Variants in UBP1 observed in about 807,000 individuals in gnomAD.
UBP1 encodes the protein upstream binding protein 1.
Under a neutral mutation model 76.1 loss-of-function variants are expected in UBP1, and 22 were observed. The observed-to-expected ratio is 0.29, with a 90% CI of 0.21 to 0.41. UBP1 has a LOEUF of 0.41. Among genes scored for constraint, UBP1 ranks in the 10% least tolerant of loss-of-function variants. UBP1 has a pLI of 1.00. For missense variants in UBP1, 436 were observed against 668.1 expected (o/e 0.65, Z 3.83); for synonymous variants, 224 against 237.1 (o/e 0.94, Z 0.51).
Position 33,400,945 on chromosome 3 carries a change from A to G in UBP1, c.1086+17T>C, listed in dbSNP as rs942972618. Reference sequence around the variant, plus strand: ...AACCCTGAAAGCATCAGATAGTTTTAGGAGAAAGATACTTACTTCACCAGA... The same window carrying G: ...AACCCTGAAAGCATCAGATAGTTTTGGGAGAAAGATACTTACTTCACCAGA... On this transcript the variant is annotated intron_variant, in intron 10 of 15. Transcript: ENST00000283629. The G allele has an allele frequency of 4.2e-5, 67 of 1,591,908 alleles. No homozygotes were observed. Among genetic ancestry groups the G allele is most frequent in the Non-Finnish European group, 5.6e-5 (66 of 1,172,624 alleles).
At position 33,440,055 on chromosome 3, in the gene UBP1, C is replaced by G; in HGVS notation, c.-207G>C. 6.2e-6 allele frequency: 3 copies of G among 483,728 alleles called. No individual in the cohort carries two copies. The highest frequency in any genetic ancestry group is 7.7e-5 in the South Asian group (2 of 26,102). 30.0% of individuals were successfully genotyped at this position (483,728 alleles called of 1,614,324 possible). ...AGCGAGCAATTGCAGCGGGAGCGGC[C>G]GGGCCGCCGGCAGCGCCACCCTCCC... is the stretch of plus-strand genomic sequence containing the variant. On this transcript the variant is annotated 5_prime_UTR_variant, in exon 1 of 16. Coordinates refer to ENST00000283629, the MANE Select transcript of UBP1 (RefSeq NM_014517.5).
intron 1 of UBP1, among the ~76,000 whole-genome samples, chr3:33,436,072 A>G (rs1297933678): frequency 1.3e-5 from 2 of 152,234 alleles, no homozygotes; most frequent in African/African-American, 2.4e-5. Context: ...TACTAACTTA[A>G]TACTGATCTA....
intron 8 of UBP1, among the ~76,000 whole-genome samples, chr3:33,405,050 G>A (rs192289669): frequency 5.4e-4 from 82 of 152,214 alleles, no homozygotes; most frequent in African/African-American, 1.9e-3. Context: ...GAGTTAAGAG[G>A]CTATGGTCAC....
At chr3:33,426,983 T>C (rs926777658) in intron 1 of UBP1, among the ~76,000 whole-genome samples, 1 of 152,236 alleles carries the variant, frequency 6.6e-6, no homozygotes, top group Non-Finnish European at 1.5e-5. Context: ...ACTTATTTTA[T>C]TGGAGACAAA....
At chr3:33,416,443 T>C (rs1450326653) in intron 3 of UBP1, among the ~76,000 whole-genome samples, 3 of 152,244 alleles carry the variant, frequency 2.0e-5, no homozygotes, top group Non-Finnish European at 4.4e-5. Context: ...TAAAGTTTTA[T>C]GCCAACATTG....
chr3:33,412,720 A>G lies in UBP1; in HGVS notation c.448+2T>C. ...CCATGGTCTTTTGATCACTGCCTGT[A>G]CCTAAATCAAGAAGTCTGTCTCCTG... On this transcript the variant is annotated splice_donor_variant, in intron 4 of 15. Coordinates refer to ENST00000283629, the MANE Select transcript of UBP1 (RefSeq NM_014517.5). LOFTEE classifies it high-confidence loss of function. 1 of 1,593,804 alleles carries G rather than the reference A, an allele frequency of 6.3e-7. No individual in the cohort carries two copies. Among genetic ancestry groups the G allele is most frequent in the Non-Finnish European group, 8.6e-7 (1 of 1,161,452 alleles).
In UBP1 at chr3:33,390,374, GA is replaced by G; in HGVS notation, c.1586-7del. 6.2e-7 allele frequency: 1 copy of G among 1,613,802 alleles called. No homozygotes were observed. Among genetic ancestry groups the G allele is most frequent in the Non-Finnish European group, 8.5e-7 (1 of 1,179,960 alleles). On this transcript the variant is annotated splice_polypyrimidine_tract_variant and splice_region_variant and intron_variant, in intron 15 of 15. Coordinates refer to ENST00000283629, the MANE Select transcript of UBP1 (RefSeq NM_014517.5). ...GATGCCATCACTACTTTCAGCTGCAGAAAAAGGAAAGACAGTATTTCTTCAG... is the reference window on the plus strand; with the variant it reads ...GATGCCATCACTACTTTCAGCTGCAGAAAAGGAAAGACAGTATTTCTTCAG...
chr3:33,423,183 G>A (rs1487099091), intron 2 of UBP1, among the ~76,000 whole-genome samples: 3 of 152,170 alleles, frequency 2.0e-5, no homozygotes, highest in African/African-American at 4.8e-5. Flanking sequence ...GGGACTACAG[G>A]TGTGTGCCAC....
chr3:33,403,556 G>GGTCTGTCTATCTAATCTA (rs2044318892), intron 8 of UBP1: 1 of 18,288 alleles, frequency 5.5e-5, no homozygotes, highest in Admixed American at 6.0e-4. Context: ...CTGTCTGTCT[G>GGTCTGTCTATCTAATCTA]TCTGTCTGTC....
intron 2 of UBP1, among the ~76,000 whole-genome samples, chr3:33,425,200 C>CAG (rs2044992026): frequency 6.6e-6 from 1 of 152,154 alleles, no homozygotes; most frequent in African/African-American, 2.4e-5. Context: ...CATCCTGGTG[C>CAG]AGCTTAAGTC....
intron 4 of UBP1, among the ~76,000 whole-genome samples, chr3:33,412,344 TAAAA>T (rs2044608500): frequency 6.7e-6 from 1 of 150,322 alleles, no homozygotes; most frequent in Non-Finnish European, 1.5e-5. Flanking sequence ...GGGAAAAAAA[TAAAA>T]AGAAAATAAT....
intron 8 of UBP1, among the ~76,000 whole-genome samples, chr3:33,405,101 T>C (rs2044381677): frequency 6.6e-6 from 1 of 152,182 alleles, no homozygotes; most frequent in Non-Finnish European, 1.5e-5. Flanking sequence ...TGTAAATTTG[T>C]TGTAAGGCAA....
chr3:33,437,045 C>T (rs994965407), intron 1 of UBP1, among the ~76,000 whole-genome samples: 2 of 152,168 alleles, frequency 1.3e-5, no homozygotes, highest in Non-Finnish European at 2.9e-5. Context: ...TCACATCTCA[C>T]ATCCAAATAT....
In UBP1 at chr3:33,390,009, G is replaced by C; in HGVS notation, c.*322C>G. On this transcript the variant is annotated 3_prime_UTR_variant, in exon 16 of 16. Coordinates refer to ENST00000283629, the MANE Select transcript of UBP1 (RefSeq NM_014517.5). ...TACATTCATTTCCAAACCGCATACA[G>C]TGTAAAAAGACAGCAAAGGCTGCTT... The C allele has an allele frequency of 3.2e-6, 1 of 311,738 alleles. No homozygotes were observed. Among genetic ancestry groups the C allele is most frequent in the Non-Finnish European group, 5.9e-6 (1 of 168,266 alleles). The allele number at this position is 311,738 out of a possible 1,614,324, so 19.3% of individuals were successfully genotyped here.
chr3:33,417,801 A>G (rs911911558), intron 2 of UBP1, among the ~76,000 whole-genome samples: 1 of 152,226 alleles, frequency 6.6e-6, no homozygotes, highest in Non-Finnish European at 1.5e-5. Context: ...GAGAATCTTT[A>G]TAACTACCAA....
chr3:33,411,072 CAAAAA>C (rs893694272), intron 5 of UBP1, among the ~76,000 whole-genome samples: 1 of 65,554 alleles, frequency 1.5e-5, no homozygotes, highest in African/African-American at 6.0e-5. Flanking sequence ...AACTCCATCT[CAAAAA>C]AAAAAAAAAA....
At chr3:33,436,721 A>G (rs2045210268) in intron 1 of UBP1, among the ~76,000 whole-genome samples, 1 of 152,224 alleles carries the variant, frequency 6.6e-6, no homozygotes, top group Admixed American at 6.5e-5. Context: ...TTGAGTTTTA[A>G]TGAGTATTAT....
chr3:33,396,017 C>T (rs923397383), intron 13 of UBP1, 145 bp downstream of exon 13: 12 of 610,140 alleles, frequency 2.0e-5, no homozygotes, highest in Admixed American at 5.5e-5. Flanking sequence ...AGAGCTGCCA[C>T]CTCTCATTGC....
At chr3:33,422,579 G>C (rs1178113808) in intron 2 of UBP1, among the ~76,000 whole-genome samples, 1 of 151,902 alleles carries the variant, frequency 6.6e-6, no homozygotes, top group Non-Finnish European at 1.5e-5. Context: ...TTAAAAATTT[G>C]CCAGGCATGG....
Sources: allele counts gnomAD v4.1 joint callset (sites outside exome capture counted in the v4.1 genomes callset), GRCh38; gene constraint gnomAD v4.1.1; transcripts MANE v1.5; gene names NCBI Gene and HGNC (gene_info 2026-07-23, HGNC 2026-07-21).